The following SIDT1 variants were observed in gnomAD, a reference collection of about 807,000 sequenced individuals.
The protein encoded by SIDT1 is SID1 transmembrane family member 1.
In SIDT1, 101 loss-of-function variants were observed where a neutral mutation model predicts 107.5. The ratio of observed to expected loss-of-function variants is 0.94; its 90% CI spans 0.80 to 1.11. The LOEUF (loss-of-function observed/expected upper bound fraction) is 1.11, where lower values mean the gene tolerates loss of function less well. Ranked by LOEUF, SIDT1 falls within the 50% of genes least tolerant of loss-of-function variation. The pLI is 0.00. For missense variants in SIDT1, 1,076 were observed against 1,058.2 expected, an observed-to-expected ratio of 1.02 and a Z score of -0.23; for synonymous variants, 395 against 398.2, an observed-to-expected ratio of 0.99 and a Z score of 0.10.
intron 3 of SIDT1, among the ~76,000 whole-genome samples, chr3:113,568,550 C>T (rs571128730): frequency 5.4e-5 from 8 of 149,284 alleles, no homozygotes; most frequent in South Asian, 2.1e-4. Flanking sequence ...GCCGAGATCG[C>T]GCCACTGCAC....
intron 4 of SIDT1, among the ~76,000 whole-genome samples, chr3:113,579,928 A>G (rs893997859): frequency 6.6e-6 from 1 of 152,248 alleles, no homozygotes; most frequent in Non-Finnish European, 1.5e-5. Flanking sequence ...ATGGGTAAAT[A>G]GTACAACCTC....
intron 1 of SIDT1, among the ~76,000 whole-genome samples, chr3:113,546,359 G>A (rs917884803): frequency 6.6e-6 from 1 of 151,974 alleles, no homozygotes; most frequent in African/African-American, 2.4e-5. Flanking sequence ...TTTTACTGTT[G>A]CTTTAAAACT....
At chr3:113,570,656 G>A (rs574486251) in intron 3 of SIDT1, among the ~76,000 whole-genome samples, 1 of 152,296 alleles carries the variant, frequency 6.6e-6, no homozygotes, top group South Asian at 2.1e-4. Context: ...TTACACACCA[G>A]CCTTGCTGGT....
chr3:113,635,500 C>T, the SIDT1 span, among the ~76,000 whole-genome samples: 169 of 152,292 alleles, frequency 1.1e-3, no homozygotes, highest in South Asian at 1.9e-3. Flanking sequence ...GGTCTCTGGG[C>T]CCAGCTGTCT....
At chr3:113,621,251 G>C (rs556254690) in intron 21 of SIDT1, among the ~76,000 whole-genome samples, 1 of 152,084 alleles carries the variant, frequency 6.6e-6, no homozygotes, top group Non-Finnish European at 1.5e-5. Context: ...AGAGTTGCCT[G>C]GTATACTAAA....
chr3:113,599,209 A>G (rs1944783245), intron 10 of SIDT1, among the ~76,000 whole-genome samples: 1 of 152,362 alleles, frequency 6.6e-6, no homozygotes, highest in East Asian at 1.9e-4. Context: ...TAAAAGACCT[A>G]CAACATCATC....
At chr3:113,600,770 G>A (rs1050880305) in intron 10 of SIDT1, among the ~76,000 whole-genome samples, 1 of 152,198 alleles carries the variant, frequency 6.6e-6, no homozygotes, top group Non-Finnish European at 1.5e-5. Flanking sequence ...ATTTGAAGTT[G>A]GTTGAAAAGC....
chr3:113,635,517 A>G, the SIDT1 span, among the ~76,000 whole-genome samples: 1 of 152,168 alleles, frequency 6.6e-6, no homozygotes, highest in Admixed American at 6.5e-5. Flanking sequence ...GTCTTCTCCT[A>G]TAAGGTAGTA....
Position 113,608,417 on chromosome 3 carries a change from AGGAGTACG to A in SIDT1, c.1605_1612del (p.Glu535AspfsTer30). On this transcript the variant is annotated splice_acceptor_variant and coding_sequence_variant, in exon 17 of 25. Coordinates refer to ENST00000264852, the MANE Select transcript of SIDT1 (RefSeq NM_017699.3). LOFTEE classifies it high-confidence loss of function. Reference sequence around the variant, plus strand: ...TATTGACCACCCTTTCTCCTTTTTCAGGAGTACGGGATTCCCAAACACTTTGGTCTCTT... The same window carrying A: ...TATTGACCACCCTTTCTCCTTTTTCAGGATTCCCAAACACTTTGGTCTCTT... The A allele has an allele frequency of 6.2e-7, 1 of 1,607,074 alleles. No homozygotes were observed. The highest frequency in any genetic ancestry group is 8.5e-7 in the Non-Finnish European group (1 of 1,173,904).
At chr3:113,621,354 C>T in intron 21 of SIDT1, among the ~76,000 whole-genome samples, 1 of 151,594 alleles carries the variant, frequency 6.6e-6, no homozygotes, top group East Asian at 1.9e-4. Flanking sequence ...CTTAGAATCA[C>T]AACACTTTGG....
At position 113,583,389 on chromosome 3, in the gene SIDT1, G is replaced by A. The variant is rs756994105; in HGVS notation, c.748-20G>A. ...ACCTCTTTCTTACCGCCTATCATAA[G>A]GTTGTTATGTCTTATGCAGAAGAAG... On this transcript the variant is annotated intron_variant, in intron 6 of 24. Transcript: ENST00000264852. 2 of 1,568,436 alleles carry A rather than the reference G, an allele frequency of 1.3e-6. No individual in the cohort carries two copies. The highest frequency in any genetic ancestry group is 1.7e-6 in the Non-Finnish European group (2 of 1,146,028).
chr3:113,567,395 G>C, intron 2 of SIDT1, 145 bp from the exon 3 acceptor site: 1 of 635,426 alleles, frequency 1.6e-6, no homozygotes, highest in Non-Finnish European at 2.7e-6. Flanking sequence ...AATTACTATT[G>C]ATAGTTCCAG....
intron 17 of SIDT1, among the ~76,000 whole-genome samples, chr3:113,610,058 T>C (rs1945626591): frequency 6.6e-6 from 1 of 152,240 alleles, no homozygotes; most frequent in African/African-American, 2.4e-5. Context: ...TTTCAAGATT[T>C]ATCAATATTA....
At chr3:113,557,086 G>T (rs538394814) in intron 1 of SIDT1, among the ~76,000 whole-genome samples, 1 of 152,150 alleles carries the variant, frequency 6.6e-6, no homozygotes, top group Non-Finnish European at 1.5e-5. Context: ...GGAATTACAG[G>T]CGTGAGCCAA....
At chr3:113,569,991 C>T (rs1247257022) in intron 3 of SIDT1, among the ~76,000 whole-genome samples, 1 of 152,192 alleles carries the variant, frequency 6.6e-6, no homozygotes, top group African/African-American at 2.4e-5. Context: ...CTGCAACCTC[C>T]ACCTCCTGGG....
At chr3:113,569,589 G>A (rs529815945) in intron 3 of SIDT1, among the ~76,000 whole-genome samples, 1 of 152,248 alleles carries the variant, frequency 6.6e-6, no homozygotes, top group African/African-American at 2.4e-5. Context: ...ATACGGAAAC[G>A]TGGACAGATA....
At chr3:113,616,752 G>C (rs370903250) in intron 20 of SIDT1, among the ~76,000 whole-genome samples, 1 of 151,334 alleles carries the variant, frequency 6.6e-6, no homozygotes, top group African/African-American at 2.4e-5. Flanking sequence ...GCAGTGGCGC[G>C]ATCTTGGCTC....
In SIDT1 at chr3:113,533,170, A is replaced by C. The variant is rs1330390412; in HGVS notation, c.149A>C (p.His50Pro). Residue 50 changes from histidine (H) to proline (P), a missense_variant, in exon 1 of 25, where the codon CAT becomes CCT. His to Pro is a moderately conservative substitution (Grantham distance 77). Coordinates refer to ENST00000264852, the MANE Select transcript of SIDT1 (RefSeq NM_017699.3). Reference sequence around the variant, plus strand: ...GCTGCCAGGGGCGCCGATTTCGATCATGTCTACAGCGGGGTGGTGAACCTC... The same window carrying C: ...GCTGCCAGGGGCGCCGATTTCGATCCTGTCTACAGCGGGGTGGTGAACCTC... ...FDAARGADFD[H>P]VYSGVVNLST... 9.5e-6 allele frequency: 15 copies of C among 1,579,746 alleles called. No individual in the cohort carries two copies. Among genetic ancestry groups the C allele is most frequent in the Non-Finnish European group, 1.3e-5 (15 of 1,164,274 alleles).
intron 3 of SIDT1, among the ~76,000 whole-genome samples, chr3:113,571,930 G>A (rs561989138): frequency 1.2e-4 from 18 of 151,752 alleles, no homozygotes; most frequent in African/African-American, 3.9e-4. Flanking sequence ...GCAAGACTCC[G>A]TCTCACACAC....
Sources: allele counts gnomAD v4.1 joint callset (sites outside exome capture counted in the v4.1 genomes callset), GRCh38; gene constraint gnomAD v4.1.1; transcripts MANE v1.5; gene names NCBI Gene and HGNC (gene_info 2026-07-23, HGNC 2026-07-21).